PRKN: variants seen among roughly 807,000 people sequenced by gnomAD.
PRKN encodes the protein parkin RBR E3 ubiquitin protein ligase, also known as E3 ubiquitin-protein ligase parkin.
Under a neutral mutation model 59.5 loss-of-function variants are expected in PRKN, and 56 were observed. The ratio of observed to expected loss-of-function variants is 0.94; its 90% CI spans 0.76 to 1.18. The LOEUF (loss-of-function observed/expected upper bound fraction) is 1.18, where lower values mean the gene tolerates loss of function less well. PRKN is among the 50% of genes most tolerant of loss of function. The probability of loss-of-function intolerance (pLI) is 0.00; values close to 1 mark genes in which losing one functional copy is unlikely to be tolerated. For missense variants in PRKN, 657 were observed against 596.4 expected (o/e 1.10, Z -1.06); for synonymous variants, 250 against 222.1 (o/e 1.13, Z -1.12).
intron 2 of PRKN, among the ~76,000 whole-genome samples, chr6:162,398,923 A>G (rs929865482): frequency 7.9e-5 from 12 of 152,344 alleles, no homozygotes; most frequent in African/African-American, 2.9e-4. Flanking sequence ...CAGACTCAAG[A>G]AAAAGAAACT....
At chr6:162,503,498 G>T (rs1168337929) in intron 1 of PRKN, among the ~76,000 whole-genome samples, 1 of 152,042 alleles carries the variant, frequency 6.6e-6, no homozygotes, top group South Asian at 2.1e-4. Flanking sequence ...ATTCATATTT[G>T]AATGACTTGA....
At chr6:162,373,231 C>T (rs1583457695) in intron 2 of PRKN, among the ~76,000 whole-genome samples, 1 of 152,128 alleles carries the variant, frequency 6.6e-6, no homozygotes, top group South Asian at 2.1e-4. Flanking sequence ...AACAGAATTT[C>T]ATTGCAAGTT....
intron 1 of PRKN, among the ~76,000 whole-genome samples, chr6:162,593,642 CT>C (rs1232208531): frequency 6.6e-6 from 1 of 152,026 alleles, no homozygotes; most frequent in African/African-American, 2.4e-5. Flanking sequence ...GATAATGAGG[CT>C]ATGAAAGGGT....
At chr6:162,687,545 G>C (rs959660996) in intron 1 of PRKN, among the ~76,000 whole-genome samples, 1 of 152,034 alleles carries the variant, frequency 6.6e-6, no homozygotes, top group Non-Finnish European at 1.5e-5. Context: ...TCAATTTACT[G>C]CTCATAAATG....
chr6:161,716,197 C>T (rs755487635), intron 7 of PRKN: 2 of 741,540 alleles, frequency 2.7e-6, no homozygotes, highest in Non-Finnish European at 4.1e-6. Context: ...GTATCTGATG[C>T]TCTTTTCATA....
At chr6:162,261,918 A>G (rs1022835807) in intron 3 of PRKN, among the ~76,000 whole-genome samples, 2 of 152,282 alleles carry the variant, frequency 1.3e-5, no homozygotes, top group African/African-American at 4.8e-5. Flanking sequence ...TGTGAAGGCC[A>G]TACCAGCCCA....
rs187913363 is a variant in PRKN at position 161,779,576 on chromosome 6, C to T, written c.871+6196G>A. Among the ~76,000 whole-genome samples the T allele has an allele frequency of 2.6e-5, 4 of 151,106 alleles. No individual in the cohort carries two copies. In the East Asian group the frequency reaches 5.9e-4, roughly 22 times the overall value. On this transcript the variant is annotated intron_variant, in intron 7 of 11. Coordinates refer to ENST00000366898, the MANE Select transcript of PRKN (RefSeq NM_004562.3). ...TCTCCTGTCTCAGCCTCCCCAGTAG[C>T]TGGGATTATAGGCATGTGCCACCAC...
chr6:162,278,061 A>T (rs1250062722), intron 2 of PRKN, among the ~76,000 whole-genome samples: 2 of 152,198 alleles, frequency 1.3e-5, no homozygotes, highest in Non-Finnish European at 2.9e-5. Context: ...TATCAGACAT[A>T]CAGATCATGG....
chr6:162,114,467 C>T (rs1193989423), intron 4 of PRKN, among the ~76,000 whole-genome samples: 1 of 151,692 alleles, frequency 6.6e-6, no homozygotes, highest in Non-Finnish European at 1.5e-5. Flanking sequence ...ATTTTATTCT[C>T]TTTGAAGCAA....
chr6:161,472,433 G>A (rs1790841386), intron 9 of PRKN, among the ~76,000 whole-genome samples: 1 of 152,068 alleles, frequency 6.6e-6, no homozygotes, highest in South Asian at 2.1e-4. Flanking sequence ...TTCAATAAAT[G>A]GTATTGGGAA....
At position 161,587,368 on chromosome 6, in the gene PRKN, G is replaced by C. The variant is rs1781557180; in HGVS notation, c.872-17952C>G. On this transcript the variant is annotated intron_variant, in intron 7 of 11. Coordinates refer to ENST00000366898, the MANE Select transcript of PRKN (RefSeq NM_004562.3). ...GATCAATTCCTAAATTTCCAGTATA[G>C]TTTACAAAATTTTAAGAGGGATTAA... 2.0e-5 allele frequency among the ~76,000 whole-genome samples: 3 copies of C among 152,262 alleles called. No individual in the cohort carries two copies. The South Asian group carries it at 6.2e-4, about 32-fold the overall frequency.
rs754315504 is a variant in PRKN, at chr6:162,443,254, C to T, written c.171+56G>A. 4.8e-5 allele frequency: 76 copies of T among 1,569,964 alleles called. 1 individual carries two copies. Among genetic ancestry groups the T allele is most frequent in the Admixed American group, 4.3e-4 (26 of 59,878 alleles). ...ATGAATGTCAGATTGGCAGCGCAGG[C>T]GGCATGAGCAATGGAGCTGGCGGCA... On this transcript the variant is annotated intron_variant, in intron 2 of 11. Transcript: ENST00000366898.
At chr6:161,374,222 CTGTGTGTA>C (rs1326116934) in intron 10 of PRKN, among the ~76,000 whole-genome samples, 1 of 149,126 alleles carries the variant, frequency 6.7e-6, no homozygotes, top group African/African-American at 2.5e-5. Flanking sequence ...GGTGTGTGTT[CTGTGTGTA>C]TGTGTGTTGT....
At position 162,046,311 on chromosome 6, in the gene PRKN, G is replaced by A. The variant is rs150893062; in HGVS notation, c.618+7780C>T. Among the ~76,000 whole-genome samples the A allele has an allele frequency of 1.2e-3, 190 of 152,342 alleles. 2 individuals are homozygous for A. Among genetic ancestry groups the A allele is most frequent in the Middle Eastern group, 6.8e-3 (2 of 294 alleles). On this transcript the variant is annotated intron_variant, in intron 5 of 11. Transcript: ENST00000366898. ...TATAAAATTCCTCATATTTGAATAT[G>A]TTGTAGTAATATGCATGATTTTGTT...
At chr6:161,939,838 T>C (rs978968355) in intron 6 of PRKN, among the ~76,000 whole-genome samples, 7 of 152,188 alleles carry the variant, frequency 4.6e-5, no homozygotes, top group African/African-American at 1.7e-4. Flanking sequence ...GTAATTTTTT[T>C]ATTTTAAAAA....
chr6:162,568,416 C>T, intron 1 of PRKN: 2 of 564,434 alleles, frequency 3.5e-6, no homozygotes, highest in Non-Finnish European at 6.5e-6. Flanking sequence ...TATAAGGTGT[C>T]CACCTCTATG....
intron 7 of PRKN, among the ~76,000 whole-genome samples, chr6:161,680,849 C>G (rs916088279): frequency 7.0e-6 from 1 of 142,914 alleles, no homozygotes; most frequent in Non-Finnish European, 1.5e-5. Context: ...ATGTATAAAA[C>G]TAAATCAAAG....
At chr6:161,682,923 G>T (rs1785423130) in intron 7 of PRKN, among the ~76,000 whole-genome samples, 1 of 152,164 alleles carries the variant, frequency 6.6e-6, no homozygotes, top group Non-Finnish European at 1.5e-5. Flanking sequence ...AGACTGCACT[G>T]TCTCCCGGCA....
At chr6:161,908,000 C>T (rs1290460309) in intron 6 of PRKN, among the ~76,000 whole-genome samples, 2 of 152,018 alleles carry the variant, frequency 1.3e-5, no homozygotes, top group Non-Finnish European at 2.9e-5. Flanking sequence ...ATGGCTTGAA[C>T]CCAAGAGGCA....
Sources: allele counts gnomAD v4.1 joint callset (sites outside exome capture counted in the v4.1 genomes callset), GRCh38; gene constraint gnomAD v4.1.1; transcripts MANE v1.5; gene names NCBI Gene and HGNC (gene_info 2026-07-23, HGNC 2026-07-21).